Variants in POMT1 observed in about 807,000 individuals in gnomAD.
POMT1 encodes protein O-mannosyl-transferase 1.
Under a neutral mutation model 101.6 loss-of-function variants are expected in POMT1, and 85 were observed. That is an observed-to-expected ratio of 0.84 (90% CI 0.70 to 1.00). POMT1 has a LOEUF of 1.00. Among genes scored for constraint, POMT1 ranks in the 50% least tolerant of loss-of-function variants. The pLI, the probability that POMT1 is intolerant of heterozygous loss-of-function variation, is 0.00. For synonymous variants in POMT1, 371 were observed against 383.0 expected (o/e 0.97, Z 0.37); for missense variants, 857 against 930.4 (o/e 0.92, Z 1.03).
intron 6 of POMT1, 115 bp from the exon 7 acceptor site, chr9:131,509,628 G>A (rs1946649593): frequency 6.3e-6 from 10 of 1,596,790 alleles, no homozygotes; most frequent in Non-Finnish European, 8.5e-6. Flanking sequence ...TGCCCCTGTG[G>A]CTCAGCATGG....
rs1554770656 is a variant in POMT1 at position 131,504,747 on chromosome 9, A to ATGTGTG, written c.122+409_122+414dup. On this transcript the variant is annotated intron_variant, in intron 2 of 19. Transcript: ENST00000402686. ...TGAAGGGCTCTTTATTAACTGATTA[A>ATGTGTG]TGTGTGTATGTGTGTGTGTGTGTGT... Among the ~76,000 whole-genome samples the ATGTGTG allele has an allele frequency of 1.2e-3, 148 of 122,770 alleles. 1 individual carries two copies. The highest frequency in any genetic ancestry group is 3.9e-3 in the African/African-American group (116 of 29,952). 80.5% of individuals were successfully genotyped at this position (122,770 alleles called of 152,430 possible).
chr9:131,511,860 G>T (rs913128643), intron 10 of POMT1, 181 bp from the exon 11 acceptor site: 1 of 675,296 alleles, frequency 1.5e-6, no homozygotes, highest in East Asian at 2.8e-5. Context: ...TTCCAGATAC[G>T]TTTCTTTCCC....
rs1950164541 is a variant in POMT1, at chr9:131,522,558, G to C, written c.2003+334G>C. 1 of 528,878 alleles carries C rather than the reference G, an allele frequency of 1.9e-6. No individual in the cohort carries two copies. Among genetic ancestry groups the C allele is most frequent in the East Asian group, 3.4e-5 (1 of 29,208 alleles). The allele number at this position is 528,878 out of a possible 1,614,324, so 32.8% of individuals were successfully genotyped here. ...TCAGAAACGGCAGCTGGTTATGGTC[G>C]GGTTGTGTGGTGTGGTGGAGAGAAC... On this transcript the variant is annotated intron_variant, in intron 19 of 19. Coordinates refer to ENST00000402686, the MANE Select transcript of POMT1 (RefSeq NM_001077365.2). The surrounding 1 kb of genome is among the most constrained non-coding windows in gnomAD (Gnocchi z 5.5).
At position 131,522,056 on chromosome 9, in the gene POMT1, T is replaced by A. The variant is rs776127884; in HGVS notation, c.1835T>A (p.Leu612Gln). Residue 612 changes from leucine (L) to glutamine (Q), a missense_variant, in exon 19 of 20, where the codon CTG (leucine) becomes CAG (glutamine). Coordinates refer to ENST00000402686, the MANE Select transcript of POMT1 (RefSeq NM_001077365.2). The surrounding 1 kb of genome is among the most constrained non-coding windows in gnomAD (Gnocchi z 5.5). ...NVHDLPQDAWLRWVLAGALCA... is the reference protein window; with the variant it reads ...NVHDLPQDAWQRWVLAGALCA... ...GAGCCCTTTCCTATAGATGCCTGGC[T>A]GCGCTGGGTGCTGGCTGGGGCGCTG... The A allele has an allele frequency of 1.7e-5, 28 of 1,613,844 alleles. No individual in the cohort carries two copies. In the South Asian group the frequency reaches 2.7e-4, roughly 16 times the overall value.
At chr9:131,520,623 A>G (rs1949730597) in intron 17 of POMT1, among the ~76,000 whole-genome samples, 1 of 152,326 alleles carries the variant, frequency 6.6e-6, no homozygotes, top group African/African-American at 2.4e-5. Context: ...GACGCTGGAA[A>G]TGCCCACCTT....
chr9:131,504,802 G>A (rs760419426), intron 2 of POMT1, among the ~76,000 whole-genome samples: 14 of 110,356 alleles, frequency 1.3e-4, no homozygotes, highest in South Asian at 7.0e-4. Flanking sequence ...TTTTTGAGAC[G>A]GAGTCTTGCT....
In POMT1 at chr9:131,503,633, A is replaced by T. The variant is rs1432020940; in HGVS notation, c.-30-556A>T. Reference sequence around the variant, plus strand: ...CTCAAGGGAAGATGAAGCCTGGAGGAGAACGTGGGGGCGCAGGGTGCAAAT... The same window carrying T: ...CTCAAGGGAAGATGAAGCCTGGAGGTGAACGTGGGGGCGCAGGGTGCAAAT... On this transcript the variant is annotated intron_variant, in intron 1 of 19. Transcript: ENST00000402686. This position sits in a 1 kb window ranked among gnomAD's most constrained non-coding sequence, Gnocchi z 4.4. Among the ~76,000 whole-genome samples the T allele has an allele frequency of 6.6e-6, 1 of 152,196 alleles. No individual in the cohort carries two copies. The highest frequency in any genetic ancestry group is 1.5e-5 in the Non-Finnish European group (1 of 68,020).
Position 131,508,981 on chromosome 9 carries a change from C to T in POMT1, c.498C>T (p.Ala166=), listed in dbSNP as rs752199855. The T allele has an allele frequency of 9.9e-6, 16 of 1,613,714 alleles. No homozygotes were observed. The highest frequency in any genetic ancestry group is 1.6e-4 in the Middle Eastern group (1 of 6,084). The change falls in exon 6 of 20, where the codon GCC becomes GCT. Residue 166 remains alanine (A), a synonymous_variant. Transcript: ENST00000402686. ...TGTTAATATTTTTCAATCTATTGGC[C>T]GTGTTGTCCTACCTGAAGTTCTTCA... The part of the protein sequence containing the change: ...ESVLIFFNLL[A]VLSYLKFFNC...
chr9:131,521,862 C>T (rs1949996858), intron 18 of POMT1, among the ~76,000 whole-genome samples, 185 bp from the exon 19 acceptor site: 1 of 152,150 alleles, frequency 6.6e-6, no homozygotes, highest in Non-Finnish European at 1.5e-5. Context: ...CCAGGCCGGG[C>T]GCGGTGGCTT....
Position 131,513,315 on chromosome 9 carries a change from A to AC in POMT1, c.1162dup (p.Arg388ProfsTer7). The stretch of plus-strand genomic sequence containing the variant: ...GGTGCAGCTGGTCCACGGCATGACC[A>AC]CCCGCTCCCTGAACACGTGAGTGTG... On this transcript the variant is annotated frameshift_variant, in exon 12 of 20. Transcript: ENST00000402686. LOFTEE classifies it high-confidence loss of function. 1 of 1,611,628 alleles carries AC rather than the reference A, an allele frequency of 6.2e-7. No homozygotes were observed. The highest frequency in any genetic ancestry group is 8.5e-7 in the Non-Finnish European group (1 of 1,179,764).
chr9:131,509,717 C>G (rs1946674720), intron 6 of POMT1, 26 bp from the exon 7 acceptor site: 1 of 1,614,218 alleles, frequency 6.2e-7, no homozygotes, highest in African/African-American at 1.3e-5. Context: ...CTATTTCTGT[C>G]TCCATCTGCT....
chr9:131,515,411 G>A lies in POMT1; in HGVS notation c.1176-15G>A. On this transcript the variant is annotated splice_polypyrimidine_tract_variant and intron_variant, in intron 12 of 19. Transcript: ENST00000402686. ...GTTCAAGGAATTTTCTGAAATCTCG[G>A]TCTTGGTTTTCCAGGCATGATGTTG... 1 of 1,613,352 alleles carries A rather than the reference G, an allele frequency of 6.2e-7. No individual in the cohort carries two copies. The highest frequency in any genetic ancestry group is 8.5e-7 in the Non-Finnish European group (1 of 1,179,276).
chr9:131,512,281 G>C, intron 11 of POMT1, 145 bp downstream of exon 11: 2 of 1,444,580 alleles, frequency 1.4e-6, no homozygotes, highest in South Asian at 2.5e-5. Context: ...GCTCAGTGCT[G>C]AGTCCAAGGT....
At chr9:131,504,791 G>GTGT (rs1554770802) in intron 2 of POMT1, among the ~76,000 whole-genome samples, 1 of 150,938 alleles carries the variant, frequency 6.6e-6, no homozygotes, top group Non-Finnish European at 1.5e-5. Context: ...GTGTGTGTGT[G>GTGT]TTTTTGAGAC....
At position 131,515,524 on chromosome 9, in the gene POMT1, T is replaced by C. The variant is rs1564365317; in HGVS notation, c.1272+2T>C. On this transcript the variant is annotated splice_donor_variant, in intron 13 of 19. Coordinates refer to ENST00000402686, the MANE Select transcript of POMT1 (RefSeq NM_001077365.2). LOFTEE classifies it high-confidence loss of function. ...CCCGCCCAGAACCTCTGGAGACTGG[T>C]GAGTAAGGCTGCGGCTATAGCAGCC... The C allele has an allele frequency of 5.6e-6, 9 of 1,613,594 alleles. No homozygotes were observed. Among genetic ancestry groups the C allele is most frequent in the Non-Finnish European group, 7.6e-6 (9 of 1,179,548 alleles).
At chr9:131,510,226 A>G (rs774646636) in intron 8 of POMT1, 34 bp from the exon 9 acceptor site, 3 of 1,614,090 alleles carry the variant, frequency 1.9e-6, no homozygotes, top group South Asian at 2.2e-5. Context: ...TTTTCCACGC[A>G]GTGGAACATG....
At chr9:131,511,802 T>G in intron 10 of POMT1, 1 of 586,246 alleles carries the variant, frequency 1.7e-6, no homozygotes, top group South Asian at 2.0e-5. Flanking sequence ...CTGCTTCCCT[T>G]TGCAGAAACT....
chr9:131,512,275 A>C, intron 11 of POMT1, 139 bp downstream of exon 11: 18 of 1,464,440 alleles, frequency 1.2e-5, no homozygotes, highest in Non-Finnish European at 1.5e-5. Context: ...ACACCAGCTC[A>C]GTGCTGAGTC....
Position 131,521,454 on chromosome 9 carries a change from G to A in POMT1, c.1807G>A (p.Val603Ile). 1 of 1,614,090 alleles carries A rather than the reference G, an allele frequency of 6.2e-7. No individual in the cohort carries two copies. The highest frequency in any genetic ancestry group is 8.5e-7 in the Non-Finnish European group (1 of 1,180,026). The stretch of plus-strand genomic sequence containing the variant: ...GTACCTGCTCCGACGGCGAAGAAAT[G>A]TCCATGACCTCCCTCAGGGTTAGTA... ...LWYLLRRRRNVHDLPQDAWLR... is the reference protein window; with the variant it reads ...LWYLLRRRRNIHDLPQDAWLR... Residue 603 changes from valine (V) to isoleucine (I), a missense_variant, in exon 18 of 20, where the codon GTC becomes ATC. By Grantham distance (29) the Val-to-Ile change is conservative. Coordinates refer to ENST00000402686, the MANE Select transcript of POMT1 (RefSeq NM_001077365.2).
Sources: gnomAD v4.1 joint callset for allele counts (sites outside exome capture counted in the v4.1 genomes callset) on GRCh38, gnomAD v4.1.1 for gene constraint, Gnocchi (gnomAD v3.1) non-coding constraint, MANE v1.5 for transcripts, NCBI Gene and HGNC (gene_info 2026-07-23, HGNC 2026-07-21) for gene names.